RNF220: variants seen among roughly 807,000 people sequenced by gnomAD.
The protein encoded by RNF220 is E3 ubiquitin-protein ligase RNF220.
RNF220 carries 7 observed loss-of-function variants against 67.1 expected under a neutral mutation model. The observed-to-expected ratio is 0.10, with a 90% CI of 0.06 to 0.20. The LOEUF is 0.20. Among genes scored for constraint, RNF220 ranks in the 10% least tolerant of loss-of-function variants. The probability of loss-of-function intolerance (pLI) is 1.00; values close to 1 mark genes in which losing one functional copy is unlikely to be tolerated. For missense variants in RNF220, 565 were observed against 740.3 expected (o/e 0.76, Z 2.75); for synonymous variants, 270 against 283.2 (o/e 0.95, Z 0.47).
chr1:44,421,353 T>C (rs1159167077), intron 2 of RNF220, among the ~76,000 whole-genome samples: 2 of 152,226 alleles, frequency 1.3e-5, no homozygotes, highest in East Asian at 1.9e-4. Flanking sequence ...TGAGATTTGC[T>C]GTAATAGTAT....
chr1:44,435,028 TAAAA>T (rs33931761), intron 2 of RNF220, among the ~76,000 whole-genome samples: 2,449 of 143,954 alleles, frequency 0.017, 70 homozygotes, highest in African/African-American at 0.058. Context: ...TCCTGTCTCT[TAAAA>T]AAAAAAAAAA....
At chr1:44,614,389 C>T (rs415707) in intron 3 of RNF220, 92 bp downstream of exon 3, 253,008 of 1,438,246 alleles carry the variant, frequency 0.18, 23,336 homozygotes, top group East Asian at 0.29. Flanking sequence ...GCCCATACCC[C>T]AGCCCCTCGG....
intron 2 of RNF220, among the ~76,000 whole-genome samples, chr1:44,553,121 G>C (rs1210556268): frequency 6.6e-6 from 1 of 152,040 alleles, no homozygotes; most frequent in African/African-American, 2.4e-5. Context: ...TTTCCTCTGG[G>C]AAGCTTTCTT....
chr1:44,483,746 T>C (rs1656041353), intron 2 of RNF220, among the ~76,000 whole-genome samples: 1 of 152,224 alleles, frequency 6.6e-6, no homozygotes, highest in South Asian at 2.1e-4. Flanking sequence ...TGGTGCAACT[T>C]GATCTGATTT....
chr1:44,635,777 C>T, intron 7 of RNF220, 189 bp downstream of exon 7: 2 of 1,374,674 alleles, frequency 1.5e-6, no homozygotes, highest in Non-Finnish European at 1.9e-6. Context: ...GTCTCAGCAG[C>T]TTCTTCCCTT....
chr1:44,561,041 T>C (rs956843364), intron 2 of RNF220, among the ~76,000 whole-genome samples: 2 of 152,222 alleles, frequency 1.3e-5, no homozygotes, highest in Admixed American at 1.3e-4. Context: ...GCTGGACTCC[T>C]GGGAATGGAG....
At chr1:44,635,833 C>T (rs1333220237) in intron 7 of RNF220, 197 bp from the exon 8 acceptor site, 59 of 1,294,428 alleles carry the variant, frequency 4.6e-5, no homozygotes, top group Non-Finnish European at 5.4e-5. Context: ...CTCATTCCCT[C>T]CTTGGGCTCC....
intron 2 of RNF220, among the ~76,000 whole-genome samples, chr1:44,533,089 C>A (rs1391280860): frequency 6.6e-6 from 1 of 152,198 alleles, no homozygotes; most frequent in Non-Finnish European, 1.5e-5. Flanking sequence ...TGAGGGTTTG[C>A]CCCCTCTCTT....
chr1:44,594,293 CCCT>C (rs1443144947), intron 2 of RNF220, among the ~76,000 whole-genome samples: 3 of 151,812 alleles, frequency 2.0e-5, no homozygotes, highest in African/African-American at 7.3e-5. Context: ...TTACTTCATT[CCCT>C]CCTCCTCCTT....
intron 6 of RNF220, among the ~76,000 whole-genome samples, chr1:44,634,677 T>C (rs893317715): frequency 1.3e-5 from 2 of 152,212 alleles, no homozygotes; most frequent in Non-Finnish European, 2.9e-5. Flanking sequence ...CCCTTCCTGC[T>C]TCAGTGACAG....
chr1:44,423,012 G>C (rs1369203377), intron 2 of RNF220, among the ~76,000 whole-genome samples: 1 of 152,210 alleles, frequency 6.6e-6, no homozygotes, highest in African/African-American at 2.4e-5. Flanking sequence ...ACTGGGAATA[G>C]ACTGATGTGC....
chr1:44,593,126 G>A (rs1011141500), intron 2 of RNF220, among the ~76,000 whole-genome samples: 1 of 152,144 alleles, frequency 6.6e-6, no homozygotes, highest in Admixed American at 6.5e-5. Flanking sequence ...TCCCAACACA[G>A]GCCCAAGCCT....
chr1:44,545,481 C>G (rs546559745), intron 2 of RNF220: 2 of 154,290 alleles, frequency 1.3e-5, no homozygotes, highest in African/African-American at 4.8e-5. Flanking sequence ...GTGACTAATC[C>G]AAGATCCATA....
intron 2 of RNF220, among the ~76,000 whole-genome samples, chr1:44,477,986 A>G (rs1655438552): frequency 6.6e-6 from 1 of 152,030 alleles, no homozygotes; most frequent in Non-Finnish European, 1.5e-5. Flanking sequence ...TTTTTATTTC[A>G]TTTATTTATT....
chr1:44,650,232 T>A lies in RNF220; in HGVS notation c.1629+275T>A, dbSNP rs1428793262. 3 of 558,318 alleles carry A rather than the reference T, an allele frequency of 5.4e-6. No individual in the cohort carries two copies. Among genetic ancestry groups the A allele is most frequent in the Non-Finnish European group, 9.6e-6 (3 of 312,504 alleles). 34.6% of individuals were successfully genotyped at this position (558,318 alleles called of 1,614,324 possible). On this transcript the variant is annotated intron_variant, in intron 14 of 14. Coordinates refer to ENST00000361799, the MANE Select transcript of RNF220 (RefSeq NM_018150.4). This position sits in a 1 kb window ranked among gnomAD's most constrained non-coding sequence, Gnocchi z 4.3. Reference sequence around the variant, plus strand: ...AGGCCCACTGCATCACACAGACTGGTGAGGCCTGGGGTCAGGAGGAGGCTG... The same window carrying A: ...AGGCCCACTGCATCACACAGACTGGAGAGGCCTGGGGTCAGGAGGAGGCTG...
intron 2 of RNF220, among the ~76,000 whole-genome samples, chr1:44,487,218 T>C (rs753801837): frequency 1.5e-4 from 22 of 151,622 alleles, no homozygotes; most frequent in South Asian, 4.2e-4. Flanking sequence ...GCCTGTAGTC[T>C]CAGCTACTTG....
intron 2 of RNF220, among the ~76,000 whole-genome samples, chr1:44,488,145 T>TA (rs1656496603): frequency 6.7e-6 from 1 of 150,166 alleles, no homozygotes; most frequent in South Asian, 2.1e-4. Context: ...TGATTTTTTT[T>TA]TTTTTTTTGA....
intron 2 of RNF220, among the ~76,000 whole-genome samples, chr1:44,510,578 T>G (rs904474498): frequency 2.6e-5 from 4 of 152,186 alleles, no homozygotes; most frequent in African/African-American, 9.7e-5. Flanking sequence ...CCTTCCTGTC[T>G]CAGTGAATTT....
At chr1:44,496,032 A>G (rs1657317669) in intron 2 of RNF220, among the ~76,000 whole-genome samples, 1 of 152,112 alleles carries the variant, frequency 6.6e-6, no homozygotes, top group Non-Finnish European at 1.5e-5. Flanking sequence ...CTTACACTGA[A>G]TCCTAAAGAC....
Sources: gnomAD v4.1 joint callset for allele counts (sites outside exome capture counted in the v4.1 genomes callset) on GRCh38, gnomAD v4.1.1 for gene constraint, Gnocchi (gnomAD v3.1) non-coding constraint, MANE v1.5 for transcripts, NCBI Gene and HGNC (gene_info 2026-07-23, HGNC 2026-07-21) for gene names.